The following RNF217 variants were observed in gnomAD, a reference collection of about 807,000 sequenced individuals.
RNF217 encodes E3 ubiquitin-protein ligase RNF217.
RNF217 carries 31 observed loss-of-function variants against 57.8 expected under a neutral mutation model. The ratio of observed to expected loss-of-function variants is 0.54; its 90% CI spans 0.40 to 0.72. The LOEUF (loss-of-function observed/expected upper bound fraction) is 0.72, where lower values mean the gene tolerates loss of function less well. Among genes scored for constraint, RNF217 ranks in the 30% least tolerant of loss-of-function variants. RNF217 has a pLI of 0.00. For synonymous variants in RNF217, 313 were observed against 294.0 expected, an observed-to-expected ratio of 1.06 and a Z score of -0.66; for missense variants, 696 against 708.3, an observed-to-expected ratio of 0.98 and a Z score of 0.20.
chr6:125,033,599 G>T, intron 1 of RNF217, among the ~76,000 whole-genome samples: 1 of 150,680 alleles, frequency 6.6e-6, no homozygotes, highest in Non-Finnish European at 1.5e-5. Flanking sequence ...TATCATTGTT[G>T]GACATTTGGG....
chr6:125,053,346 C>G (rs1246986877), intron 2 of RNF217, among the ~76,000 whole-genome samples: 1 of 152,034 alleles, frequency 6.6e-6, no homozygotes, highest in Non-Finnish European at 1.5e-5. Context: ...TGAAGGTGCC[C>G]AATAAATATG....
rs1003437453 is a variant in RNF217, at chr6:125,083,928, C to T, written c.*991C>T. 1 of 152,050 alleles carries T rather than the reference C, an allele frequency of 6.6e-6. No individual in the cohort carries two copies. The highest frequency in any genetic ancestry group is 2.4e-5 in the African/African-American group (1 of 41,396). 9.4% of individuals were successfully genotyped at this position (152,050 alleles called of 1,614,324 possible). A position where few individuals can be genotyped will look rare whatever the true frequency, so the allele number is the denominator to read the frequency against. On this transcript the variant is annotated 3_prime_UTR_variant, in exon 6 of 6. Transcript: ENST00000521654. ...TGCTTCACTCTATAGATAGATCCTT[C>T]ACATTGGGATTATTTAATCCCAAAA...
Position 125,086,986 on chromosome 6 carries a change from A to T in RNF217, c.*4049A>T, listed in dbSNP as rs1027011275. On this transcript the variant is annotated 3_prime_UTR_variant, in exon 6 of 6. Coordinates refer to ENST00000521654, the MANE Select transcript of RNF217 (RefSeq NM_001286398.3). ...CCACTGTAATCATTTCCAGTCCCTG[A>T]TGCCCCTCTTCAACCTCATTTTTCT... 1.3e-5 allele frequency: 2 copies of T among 152,084 alleles called. No homozygotes were observed. The highest frequency in any genetic ancestry group is 2.9e-5 in the Non-Finnish European group (2 of 68,004). The allele number at this position is 152,084 out of a possible 1,614,324, so 9.4% of individuals were successfully genotyped here.
intron 1 of RNF217, among the ~76,000 whole-genome samples, chr6:124,969,334 G>A (rs1315506226): frequency 6.6e-6 from 1 of 151,968 alleles, no homozygotes; most frequent in Non-Finnish European, 1.5e-5. Flanking sequence ...GTTTGTTTTG[G>A]ATCATTCATG....
At chr6:125,071,532 G>GTATA (rs1196723390) in intron 3 of RNF217, among the ~76,000 whole-genome samples, 1 of 134,244 alleles carries the variant, frequency 7.4e-6, no homozygotes, top group African/African-American at 3.2e-5. Context: ...GTGTGTGTGT[G>GTATA]TGTGTATATC....
intron 1 of RNF217, among the ~76,000 whole-genome samples, chr6:125,002,585 G>A (rs1450620741): frequency 1.3e-5 from 2 of 151,550 alleles, no homozygotes; most frequent in African/African-American, 4.9e-5. Context: ...TATTATCTAC[G>A]ACCACAGCCA....
intron 1 of RNF217, among the ~76,000 whole-genome samples, chr6:124,995,929 A>G (rs2115057551): frequency 6.6e-6 from 1 of 152,278 alleles, no homozygotes; most frequent in African/African-American, 2.4e-5. Context: ...CTCAAAAAAG[A>G]AAAAGAATCA....
chr6:124,988,669 T>C (rs1784443683), intron 1 of RNF217, among the ~76,000 whole-genome samples: 1 of 152,232 alleles, frequency 6.6e-6, no homozygotes, highest in Admixed American at 6.5e-5. Context: ...TTTAGCAGAT[T>C]CTACTTGAGA....
chr6:125,064,432 C>G (rs1787860790), intron 3 of RNF217, among the ~76,000 whole-genome samples: 1 of 152,102 alleles, frequency 6.6e-6, no homozygotes, highest in Admixed American at 6.5e-5. Context: ...AATGTTAGTA[C>G]TTGCTTACGG....
chr6:124,997,937 G>T, intron 1 of RNF217, among the ~76,000 whole-genome samples: 1 of 152,118 alleles, frequency 6.6e-6, no homozygotes, highest in East Asian at 1.9e-4. Context: ...ATGTGACGGT[G>T]ACTCCAAAAT....
intron 1 of RNF217, among the ~76,000 whole-genome samples, chr6:124,979,418 G>T (rs911830279): frequency 2.0e-5 from 3 of 152,176 alleles, no homozygotes; most frequent in Non-Finnish European, 2.9e-5. Context: ...CTGGAAAGGG[G>T]TTTAGAAAGG....
rs886330837 is a variant in RNF217, at chr6:125,036,839, G to A, written c.883-8372G>A. The stretch of plus-strand genomic sequence containing the variant: ...ACCATCTCATGCCACTTAGAATGGC[G>A]ATTAAAAAGCCAGGAAATAACAGAT... On this transcript the variant is annotated intron_variant, in intron 1 of 5. Coordinates refer to ENST00000521654, the MANE Select transcript of RNF217 (RefSeq NM_001286398.3). 1.7e-4 allele frequency among the ~76,000 whole-genome samples: 25 copies of A among 150,686 alleles called. 1 individual carries two copies. The highest frequency in any genetic ancestry group is 1.2e-3 in the Admixed American group (18 of 15,082).
intron 1 of RNF217, among the ~76,000 whole-genome samples, chr6:125,011,550 T>C (rs1279807860): frequency 6.6e-6 from 1 of 152,170 alleles, no homozygotes; most frequent in Non-Finnish European, 1.5e-5. Context: ...GTTAACAATT[T>C]TTAAATATAA....
At position 125,089,466 on chromosome 6, in the gene RNF217, A is replaced by C. The variant is rs1788870384; in HGVS notation, c.*6529A>C. On this transcript the variant is annotated 3_prime_UTR_variant, in exon 6 of 6. Coordinates refer to ENST00000521654, the MANE Select transcript of RNF217 (RefSeq NM_001286398.3). ...ATTTGTATATAAGATTCAATTATGG[A>C]TTCATGCTCTGTGAACATTGTTAGA... 1 of 152,164 alleles carries C rather than the reference A, an allele frequency of 6.6e-6. No homozygotes were observed. The highest frequency in any genetic ancestry group is 1.5e-5 in the Non-Finnish European group (1 of 68,020). The allele number at this position is 152,164 out of a possible 1,614,324, so 9.4% of individuals were successfully genotyped here. A position where few individuals can be genotyped will look rare whatever the true frequency, so the allele number is the denominator to read the frequency against.
chr6:125,046,284 A>C (rs1787097060), intron 2 of RNF217, among the ~76,000 whole-genome samples: 1 of 152,078 alleles, frequency 6.6e-6, no homozygotes, highest in Admixed American at 6.6e-5. Flanking sequence ...TTTGCGCAGA[A>C]GTTTGGATGT....
chr6:124,966,070 TAAGAC>T (rs1783527279), intron 1 of RNF217, among the ~76,000 whole-genome samples: 1 of 152,330 alleles, frequency 6.6e-6, no homozygotes, highest in African/African-American at 2.4e-5. Flanking sequence ...TCTTGATACT[TAAGAC>T]AAAAGACAAA....
chr6:125,053,830 C>T (rs1456991522), intron 2 of RNF217, among the ~76,000 whole-genome samples: 2 of 152,096 alleles, frequency 1.3e-5, no homozygotes, highest in Non-Finnish European at 2.9e-5. Context: ...GCTCTGATAA[C>T]TTTATTCTTG....
intron 1 of RNF217, among the ~76,000 whole-genome samples, chr6:125,037,980 C>T (rs1052630401): frequency 2.0e-5 from 3 of 152,062 alleles, no homozygotes; most frequent in African/African-American, 7.2e-5. Context: ...TTTTCCCGTC[C>T]TTTTCTTTGG....
At chr6:125,013,260 A>T (rs1785477001) in intron 1 of RNF217, among the ~76,000 whole-genome samples, 1 of 152,026 alleles carries the variant, frequency 6.6e-6, no homozygotes, top group Non-Finnish European at 1.5e-5. Context: ...CAGGGGTGAT[A>T]ATGGTTAATA....
Sources: allele counts gnomAD v4.1 joint callset (sites outside exome capture counted in the v4.1 genomes callset), GRCh38; gene constraint gnomAD v4.1.1; transcripts MANE v1.5; gene names NCBI Gene and HGNC (gene_info 2026-07-23, HGNC 2026-07-21).